DCBLD1: variants seen among roughly 807,000 people sequenced by gnomAD.
DCBLD1 encodes the protein discoidin, CUB and LCCL domain containing 1.
DCBLD1 carries 57 observed loss-of-function variants against 71.5 expected under a neutral mutation model. That is an observed-to-expected ratio of 0.80 (90% confidence interval 0.64 to 0.99). DCBLD1 has a LOEUF of 0.99. DCBLD1 is among the 50% of genes least tolerant of loss of function. DCBLD1 has a pLI of 0.00. For missense variants in DCBLD1, 891 were observed against 923.5 expected (o/e 0.96, Z 0.46); for synonymous variants, 380 against 363.8 (o/e 1.04, Z -0.51).
At chr6:117,511,648 A>T (rs1778025442) in intron 2 of DCBLD1, among the ~76,000 whole-genome samples, 1 of 152,254 alleles carries the variant, frequency 6.6e-6, no homozygotes, top group Non-Finnish European at 1.5e-5. Flanking sequence ...TTAGAATGAT[A>T]CATATCTGAC....
chr6:117,499,257 A>AAAAAAAT (rs1777571079), intron 1 of DCBLD1, among the ~76,000 whole-genome samples: 3 of 147,782 alleles, frequency 2.0e-5, no homozygotes, highest in Admixed American at 6.7e-5. Context: ...AAAAAAAAAA[A>AAAAAAAT]TCTGCCAGGT....
chr6:117,543,891 A>T (rs2114563326), intron 12 of DCBLD1, among the ~76,000 whole-genome samples: 1 of 152,310 alleles, frequency 6.6e-6, no homozygotes, highest in South Asian at 2.1e-4. Flanking sequence ...GTTTACCCAG[A>T]TGAATTCTGA....
intron 14 of DCBLD1, chr6:117,562,543 A>T (rs903321012): frequency 4.9e-6 from 1 of 203,312 alleles, no homozygotes; most frequent in African/African-American, 2.3e-5. Flanking sequence ...GATGTTTTAC[A>T]CTCATCTGCA....
rs1562127154 is a variant in DCBLD1 at position 117,548,153 on chromosome 6, A to G, written c.1862A>G (p.Tyr621Cys). 3.9e-6 allele frequency: 6 copies of G among 1,549,906 alleles called. No homozygotes were observed. In the African/African-American group the frequency reaches 8.2e-5, roughly 21 times the overall value. ...RAHTFSAQSGYRVPGPQPGHK... is the reference protein window; with the variant it reads ...RAHTFSAQSGCRVPGPQPGHK... ...CACACGTTCTCTGCGCAGAGCGGCTACCGCGTCCCAGGGCCCCAGCCCGGC... is the reference window on the plus strand; with the variant it reads ...CACACGTTCTCTGCGCAGAGCGGCTGCCGCGTCCCAGGGCCCCAGCCCGGC... Residue 621 changes from tyrosine to cysteine, a missense_variant, in exon 15 of 15, where the codon TAC becomes TGC. Transcript: ENST00000338728.
At chr6:117,528,138 G>T (rs1238391187) in intron 5 of DCBLD1, among the ~76,000 whole-genome samples, 1 of 152,164 alleles carries the variant, frequency 6.6e-6, no homozygotes, top group Non-Finnish European at 1.5e-5. Flanking sequence ...TGGGCCTCTT[G>T]TACACACCCA....
At chr6:117,485,314 A>G (rs1438935383) in intron 1 of DCBLD1, among the ~76,000 whole-genome samples, 1 of 152,250 alleles carries the variant, frequency 6.6e-6, no homozygotes, top group Non-Finnish European at 1.5e-5. Context: ...AATCAAAATG[A>G]GCGCTTGATC....
chr6:117,533,765 C>G (rs1404645031), intron 6 of DCBLD1, among the ~76,000 whole-genome samples: 1 of 152,142 alleles, frequency 6.6e-6, no homozygotes, highest in South Asian at 2.1e-4. Context: ...AGAGTCAAGA[C>G]TGAGGAGCAA....
chr6:117,537,559 T>G (rs1228629898), intron 7 of DCBLD1, among the ~76,000 whole-genome samples: 1 of 150,936 alleles, frequency 6.6e-6, no homozygotes, highest in Non-Finnish European at 1.5e-5. Context: ...AATTTGATAT[T>G]TTAAAAGTCT....
chr6:117,502,487 A>G (rs1195251087), intron 1 of DCBLD1, among the ~76,000 whole-genome samples: 2 of 152,046 alleles, frequency 1.3e-5, no homozygotes, highest in African/African-American at 4.8e-5. Context: ...ATAAACCTCT[A>G]TTACCATTTG....
chr6:117,512,358 C>G (rs903167722), intron 2 of DCBLD1, among the ~76,000 whole-genome samples: 2 of 152,170 alleles, frequency 1.3e-5, no homozygotes, highest in East Asian at 3.9e-4. Flanking sequence ...CTTACTGTTA[C>G]GTGACTATGG....
chr6:117,568,973 GAAATA>G (rs977829979), intron 14 of DCBLD1, among the ~76,000 whole-genome samples: 7 of 152,244 alleles, frequency 4.6e-5, no homozygotes, highest in East Asian at 3.9e-4. Context: ...ATTCTTGAAA[GAAATA>G]AAATAAAACA....
chr6:117,564,875 T>G (rs1035685997), intron 14 of DCBLD1, among the ~76,000 whole-genome samples: 3 of 152,194 alleles, frequency 2.0e-5, no homozygotes, highest in African/African-American at 7.2e-5. Flanking sequence ...TACTGCTATC[T>G]TTGTGCAGAC....
In DCBLD1 at chr6:117,483,658, C is replaced by T. The variant is rs73554835; in HGVS notation, c.112+765C>T. 2.3e-3 allele frequency among the ~76,000 whole-genome samples: 352 copies of T among 152,086 alleles called. 2 individuals carry two copies. Among genetic ancestry groups the T allele is most frequent in the African/African-American group, 8.0e-3 (333 of 41,472 alleles). ...ATATTAAAGCAGCAACCCCCTTTAC[C>T]AGCCCTGGGTGTCCCTATTTCATTC... is the stretch of plus-strand genomic sequence containing the variant. On this transcript the variant is annotated intron_variant, in intron 1 of 14. Transcript: ENST00000338728.
chr6:117,517,512 T>A (rs1778242431), intron 2 of DCBLD1, among the ~76,000 whole-genome samples: 1 of 152,186 alleles, frequency 6.6e-6, no homozygotes, highest in African/African-American at 2.4e-5. Context: ...GGTACCCCAG[T>A]AGGTACTCTG....
At chr6:117,541,173 A>C in intron 11 of DCBLD1, 148 bp downstream of exon 11, 1 of 680,760 alleles carries the variant, frequency 1.5e-6, no homozygotes, top group Non-Finnish European at 2.5e-6. Context: ...AAAATGATGT[A>C]TGTTTACAGC....
chr6:117,552,304 A>C (rs1174875266), downstream of DCBLD1, among the ~76,000 whole-genome samples: 1 of 152,194 alleles, frequency 6.6e-6, no homozygotes, highest in Non-Finnish European at 1.5e-5. Context: ...TGCAGACTAT[A>C]TTATAGTGTT....
chr6:117,562,159 A>G, intron 14 of DCBLD1: 2 of 207,240 alleles, frequency 9.7e-6, no homozygotes, highest in Non-Finnish European at 2.0e-5. Context: ...GACCTAACAA[A>G]TTTATAAACC....
At chr6:117,485,470 A>G (rs1176407389) in intron 1 of DCBLD1, among the ~76,000 whole-genome samples, 1 of 152,222 alleles carries the variant, frequency 6.6e-6, no homozygotes, top group Non-Finnish European at 1.5e-5. Flanking sequence ...GGATCAGCTG[A>G]TAGATGATGT....
rs1424482760 is a variant in DCBLD1, at chr6:117,548,463, G to C, written c.*24G>C. 1 of 1,549,698 alleles carries C rather than the reference G, an allele frequency of 6.5e-7. No homozygotes were observed. The highest frequency in any genetic ancestry group is 1.4e-5 in the African/African-American group (1 of 73,048). ...GAACACAATGTGAAAGAAGCCTGCT[G>C]TGGTACTGAGCGTCGGGCTGTCACA... On this transcript the variant is annotated 3_prime_UTR_variant, in exon 15 of 15. Transcript: ENST00000338728.
Sources: allele counts gnomAD v4.1 joint callset (sites outside exome capture counted in the v4.1 genomes callset), GRCh38; gene constraint gnomAD v4.1.1; transcripts MANE v1.5; gene names NCBI Gene and HGNC (gene_info 2026-07-23, HGNC 2026-07-21).